The following CLOCK variants were observed in gnomAD, a reference collection of about 807,000 sequenced individuals.
CLOCK encodes circadian locomoter output cycles protein kaput.
A neutral mutation model predicts 118.4 loss-of-function variants in CLOCK; 43 were observed. That is an observed-to-expected ratio of 0.36 (90% confidence interval 0.28 to 0.47). CLOCK has a LOEUF of 0.47. Among genes scored for constraint, CLOCK ranks in the 20% least tolerant of loss-of-function variants. The pLI, the probability that CLOCK is intolerant of heterozygous loss-of-function variation, is 1.00. For synonymous variants in CLOCK, 326 were observed against 339.2 expected, an observed-to-expected ratio of 0.96 and a Z score of 0.43; for missense variants, 846 against 999.9, an observed-to-expected ratio of 0.85 and a Z score of 2.08.
At chr4:55,465,279 G>A (rs1425928119) in intron 8 of CLOCK, among the ~76,000 whole-genome samples, 1 of 152,160 alleles carries the variant, frequency 6.6e-6, no homozygotes, top group Non-Finnish European at 1.5e-5. Context: ...GGGAAGATGT[G>A]TGTAAGTTAC....
chr4:55,492,534 TTGAGA>T (rs1305018398), intron 2 of CLOCK, among the ~76,000 whole-genome samples: 1 of 152,166 alleles, frequency 6.6e-6, no homozygotes, highest in Non-Finnish European at 1.5e-5. Context: ...TTTATATTCA[TTGAGA>T]TATTATTAAA....
At chr4:55,470,573 C>A in intron 8 of CLOCK, 144 bp downstream of exon 8, 1 of 609,008 alleles carries the variant, frequency 1.6e-6, no homozygotes, top group Non-Finnish European at 3.0e-6. Flanking sequence ...AAAACACATG[C>A]TGAAACAAAG....
chr4:55,527,528 G>C (rs1483234298), intron 1 of CLOCK, among the ~76,000 whole-genome samples: 1 of 151,854 alleles, frequency 6.6e-6, no homozygotes, highest in Non-Finnish European at 1.5e-5. Context: ...TTTAAAAAAA[G>C]ATTCAATCAT....
At chr4:55,504,244 C>A (rs1728643465) in intron 2 of CLOCK, among the ~76,000 whole-genome samples, 2 of 136,334 alleles carry the variant, frequency 1.5e-5, no homozygotes, top group South Asian at 4.9e-4. Context: ...CAAGATCGCA[C>A]CACTGCACTC....
At chr4:55,537,427 T>A (rs1730976445) in intron 1 of CLOCK, among the ~76,000 whole-genome samples, 1 of 152,086 alleles carries the variant, frequency 6.6e-6, no homozygotes, top group Admixed American at 6.5e-5. Flanking sequence ...ACGACCAGCC[T>A]GGGCAACATA....
Position 55,438,420 on chromosome 4 carries a change from A to G in CLOCK, c.2223T>C (p.Phe741=), listed in dbSNP as rs746039304. The G allele has an allele frequency of 1.2e-5, 20 of 1,613,806 alleles. No homozygotes were observed. The highest frequency in any genetic ancestry group is 1.7e-4 in the Middle Eastern group (1 of 5,984). The part of the protein sequence containing the change: ...MGQVVTAYPT[F]ATQQQQSQTL... Reference sequence around the variant, plus strand: ...TCTGTGACTGTTGCTGTTGTGTAGCAAAAGTAGGATATGCAGTCACCACCT... The same window carrying G: ...TCTGTGACTGTTGCTGTTGTGTAGCGAAAGTAGGATATGCAGTCACCACCT... The change falls in exon 22 of 23, where the codon TTT becomes TTC. Residue 741 remains phenylalanine (F), a synonymous_variant. Coordinates refer to ENST00000513440, the MANE Select transcript of CLOCK (RefSeq NM_004898.4).
At chr4:55,527,291 A>G (rs1194193551) in intron 1 of CLOCK, among the ~76,000 whole-genome samples, 1 of 152,204 alleles carries the variant, frequency 6.6e-6, no homozygotes, top group African/African-American at 2.4e-5. Context: ...TGTTGAGTAA[A>G]TAAATCACTA....
chr4:55,533,282 C>T (rs1244097687), intron 1 of CLOCK, among the ~76,000 whole-genome samples: 1 of 152,104 alleles, frequency 6.6e-6, no homozygotes, highest in Non-Finnish European at 1.5e-5. Context: ...TACAGAGCTA[C>T]AGACCAATGG....
At chr4:55,538,887 T>C (rs1731074627) in intron 1 of CLOCK, among the ~76,000 whole-genome samples, 1 of 152,204 alleles carries the variant, frequency 6.6e-6, no homozygotes, top group Non-Finnish European at 1.5e-5. Flanking sequence ...CCAAACATTC[T>C]TAATGTGTTG....
chr4:55,491,532 A>G (rs1727693598), intron 2 of CLOCK, among the ~76,000 whole-genome samples: 1 of 151,984 alleles, frequency 6.6e-6, no homozygotes, highest in South Asian at 2.1e-4. Context: ...TATTTTTTTG[A>G]GACAACTCAA....
chr4:55,538,644 A>C (rs907112529), intron 1 of CLOCK, among the ~76,000 whole-genome samples: 1 of 152,212 alleles, frequency 6.6e-6, no homozygotes, highest in African/African-American at 2.4e-5. Context: ...TGGTAACAGA[A>C]CTTTCCAAAA....
chr4:55,469,535 G>A (rs1388133763), intron 8 of CLOCK, among the ~76,000 whole-genome samples: 1 of 152,208 alleles, frequency 6.6e-6, no homozygotes, highest in Non-Finnish European at 1.5e-5. Flanking sequence ...GACAAGATGT[G>A]GAGGTGGAGG....
At chr4:55,498,561 C>A (rs1728231502) in intron 2 of CLOCK, among the ~76,000 whole-genome samples, 1 of 151,732 alleles carries the variant, frequency 6.6e-6, no homozygotes, top group Admixed American at 6.6e-5. Context: ...TCCCTATTTA[C>A]TTTCAAAGCT....
chr4:55,495,092 T>C (rs887020405), intron 2 of CLOCK, among the ~76,000 whole-genome samples: 4 of 152,140 alleles, frequency 2.6e-5, no homozygotes, highest in Non-Finnish European at 5.9e-5. Context: ...AGAATCCCAT[T>C]ATGCCCTCCA....
At chr4:55,512,261 T>C (rs908812574) in intron 1 of CLOCK, among the ~76,000 whole-genome samples, 1 of 152,146 alleles carries the variant, frequency 6.6e-6, no homozygotes, top group Non-Finnish European at 1.5e-5. Flanking sequence ...GTAGTTAGTA[T>C]TTTGGATTTT....
chr4:55,512,882 T>C (rs961105031), intron 1 of CLOCK, among the ~76,000 whole-genome samples: 16 of 152,228 alleles, frequency 1.1e-4, no homozygotes, highest in Admixed American at 8.5e-4. Context: ...ATGAATTGCA[T>C]TAACAATGTT....
chr4:55,544,281 T>A (rs1731470910), intron 1 of CLOCK, among the ~76,000 whole-genome samples: 1 of 152,000 alleles, frequency 6.6e-6, no homozygotes, highest in Non-Finnish European at 1.5e-5. Context: ...CAAACTAACC[T>A]AGACAATCAA....
At chr4:55,465,197 CTATAG>C (rs1420152494) in intron 8 of CLOCK, among the ~76,000 whole-genome samples, 2 of 152,124 alleles carry the variant, frequency 1.3e-5, no homozygotes, top group African/African-American at 2.4e-5. Flanking sequence ...TCCCTAAACA[CTATAG>C]TATAACACAT....
At chr4:55,534,405 A>G (rs1368141524) in intron 1 of CLOCK, among the ~76,000 whole-genome samples, 2 of 152,180 alleles carry the variant, frequency 1.3e-5, no homozygotes, top group Non-Finnish European at 1.5e-5. Context: ...ACCCTTAAAA[A>G]AATACTAGCA....
Sources: allele counts gnomAD v4.1 joint callset (sites outside exome capture counted in the v4.1 genomes callset), GRCh38; gene constraint gnomAD v4.1.1; transcripts MANE v1.5; gene names NCBI Gene and HGNC (gene_info 2026-07-23, HGNC 2026-07-21).